The following SLC24A3 variants were observed in gnomAD, a reference collection of about 807,000 sequenced individuals.
SLC24A3 encodes the protein solute carrier family 24 member 3, also known as sodium/potassium/calcium exchanger 3.
SLC24A3 carries 28 observed loss-of-function variants against 75.8 expected under a neutral mutation model. The ratio of observed to expected loss-of-function variants is 0.37; its 90% CI spans 0.27 to 0.51. SLC24A3 has a LOEUF of 0.51. Ranked by LOEUF, SLC24A3 falls within the 20% of genes least tolerant of loss-of-function variation. SLC24A3 has a pLI of 0.94. For missense variants in SLC24A3, 663 were observed against 847.8 expected (o/e 0.78, Z 2.71); for synonymous variants, 372 against 334.1 (o/e 1.11, Z -1.24).
chr20:19,361,215 C>A (rs1458793824), intron 2 of SLC24A3, among the ~76,000 whole-genome samples: 1 of 152,222 alleles, frequency 6.6e-6, no homozygotes, highest in Non-Finnish European at 1.5e-5. Context: ...AGCTTTGCAA[C>A]AATCCATCAG....
chr20:19,483,282 A>G (rs1367267385), intron 2 of SLC24A3, among the ~76,000 whole-genome samples: 1 of 152,194 alleles, frequency 6.6e-6, no homozygotes, highest in Admixed American at 6.5e-5. Flanking sequence ...ATAGCTTCTT[A>G]GCAGATTTTT....
intron 2 of SLC24A3, among the ~76,000 whole-genome samples, chr20:19,472,635 T>C (rs2036275789): frequency 6.6e-6 from 1 of 152,216 alleles, no homozygotes; most frequent in Non-Finnish European, 1.5e-5. Context: ...GTGGGAACTC[T>C]GGAATAGTTT....
intron 2 of SLC24A3, among the ~76,000 whole-genome samples, chr20:19,419,214 A>G (rs916423136): frequency 1.3e-5 from 2 of 152,304 alleles, no homozygotes; most frequent in East Asian, 1.9e-4. Flanking sequence ...GACATAAAGG[A>G]TCTGGGCCAA....
chr20:19,586,565 G>A (rs772594796), intron 6 of SLC24A3, among the ~76,000 whole-genome samples: 8 of 152,152 alleles, frequency 5.3e-5, no homozygotes, highest in Admixed American at 1.3e-4. Context: ...CCACAGCAGC[G>A]GCAAGGGGCA....
chr20:19,585,074 G>A lies in SLC24A3; in HGVS notation c.508+19G>A, dbSNP rs940493577. ...GTCATAGGTAGGTGACAGACTGAGG[G>A]ACATCTCAGACCTTCACTGTCTGAA... On this transcript the variant is annotated intron_variant, in intron 5 of 16. Transcript: ENST00000328041. The A allele has an allele frequency of 6.2e-7, 1 of 1,600,214 alleles. No homozygotes were observed. The highest frequency in any genetic ancestry group is 8.6e-7 in the Non-Finnish European group (1 of 1,168,370).
At position 19,317,367 on chromosome 20, in the gene SLC24A3, G is replaced by A. The variant is rs759188581; in HGVS notation, c.271+36280G>A. Among the ~76,000 whole-genome samples the A allele has an allele frequency of 4.6e-5, 7 of 152,190 alleles. 1 individual carries two copies. Among genetic ancestry groups the A allele is most frequent in the South Asian group, 4.1e-4 (2 of 4,832 alleles). On this transcript the variant is annotated intron_variant, in intron 2 of 16. Transcript: ENST00000328041. ...GGTGACTGGGCAGACACATGCATTCGAGGTCTTAGAATCATCTCATTTCTG... is the reference window on the plus strand; with the variant it reads ...GGTGACTGGGCAGACACATGCATTCAAGGTCTTAGAATCATCTCATTTCTG...
intron 15 of SLC24A3, among the ~76,000 whole-genome samples, chr20:19,700,363 A>G (rs2032856267): frequency 6.6e-6 from 1 of 152,200 alleles, no homozygotes; most frequent in African/African-American, 2.4e-5. Context: ...CACAGAAAGC[A>G]GAGAAGGCAA....
chr20:19,386,739 A>G (rs1404023239), intron 2 of SLC24A3, among the ~76,000 whole-genome samples: 1 of 152,212 alleles, frequency 6.6e-6, no homozygotes, highest in Admixed American at 6.5e-5. Context: ...TTGGTTAACC[A>G]AACTTGTATA....
intron 3 of SLC24A3, among the ~76,000 whole-genome samples, chr20:19,569,244 T>A (rs1285474957): frequency 6.6e-6 from 1 of 152,234 alleles, no homozygotes; most frequent in East Asian, 1.9e-4. Context: ...TGTATTTTTA[T>A]GTTTCCTGTG....
intron 2 of SLC24A3, among the ~76,000 whole-genome samples, chr20:19,487,045 C>T (rs6081614): frequency 6.6e-6 from 1 of 152,160 alleles, no homozygotes; most frequent in African/African-American, 2.4e-5. Flanking sequence ...ATTTAAATGC[C>T]TTAAACCTCA....
At chr20:19,600,945 G>A (rs979018826) in intron 6 of SLC24A3, among the ~76,000 whole-genome samples, 3 of 152,176 alleles carry the variant, frequency 2.0e-5, no homozygotes, top group African/African-American at 4.8e-5. Flanking sequence ...GCAGGTGTGA[G>A]CCCCTGCACC....
intron 3 of SLC24A3, among the ~76,000 whole-genome samples, chr20:19,556,408 C>G (rs907768722): frequency 6.6e-6 from 1 of 152,082 alleles, no homozygotes; most frequent in Non-Finnish European, 1.5e-5. Context: ...TCTCCCACCC[C>G]ATCGTCCAAA....
At chr20:19,528,362 C>A (rs2030237406) in intron 3 of SLC24A3, among the ~76,000 whole-genome samples, 1 of 152,186 alleles carries the variant, frequency 6.6e-6, no homozygotes, top group Non-Finnish European at 1.5e-5. Flanking sequence ...TTTCCCATCT[C>A]TTTACCTTCC....
intron 2 of SLC24A3, among the ~76,000 whole-genome samples, chr20:19,507,305 A>C (rs945729136): frequency 3.9e-5 from 6 of 152,234 alleles, no homozygotes; most frequent in African/African-American, 1.4e-4. Flanking sequence ...AATTGCTGCA[A>C]GGCAAACAAC....
chr20:19,522,987 A>G (rs1443066510), intron 3 of SLC24A3, among the ~76,000 whole-genome samples: 1 of 152,170 alleles, frequency 6.6e-6, no homozygotes, highest in Non-Finnish European at 1.5e-5. Flanking sequence ...TAAAAAAGGA[A>G]AGGGAGAAGT....
chr20:19,607,309 A>T (rs2031609852), intron 6 of SLC24A3, among the ~76,000 whole-genome samples: 1 of 151,818 alleles, frequency 6.6e-6, no homozygotes, highest in South Asian at 2.1e-4. Flanking sequence ...TCCCACAGAG[A>T]TGCTCTTGGC....
At chr20:19,611,171 G>T (rs527727138) in intron 6 of SLC24A3, among the ~76,000 whole-genome samples, 17 of 152,320 alleles carry the variant, frequency 1.1e-4, no homozygotes, top group Non-Finnish European at 1.8e-4. Flanking sequence ...CATGGGGAAG[G>T]TCTCATCAAT....
chr20:19,373,088 A>G (rs1986019396), intron 2 of SLC24A3, among the ~76,000 whole-genome samples: 1 of 152,020 alleles, frequency 6.6e-6, no homozygotes, highest in South Asian at 2.1e-4. Flanking sequence ...ATTTTTATTA[A>G]GGAGAGATCC....
intron 1 of SLC24A3, among the ~76,000 whole-genome samples, chr20:19,240,198 A>G (rs368761288): frequency 1.3e-5 from 2 of 152,196 alleles, no homozygotes; most frequent in East Asian, 3.9e-4. Context: ...GCTTCAGGTC[A>G]CACTGCAACA....
Sources: gnomAD v4.1 joint callset for allele counts (sites outside exome capture counted in the v4.1 genomes callset) on GRCh38, gnomAD v4.1.1 for gene constraint, MANE v1.5 for transcripts, NCBI Gene and HGNC (gene_info 2026-07-23, HGNC 2026-07-21) for gene names.